Variants in ADCY2 observed in about 807,000 individuals in gnomAD.
The protein encoded by ADCY2 is adenylate cyclase type 2.
In ADCY2, 31 loss-of-function variants were observed where a neutral mutation model predicts 125.2. The observed-to-expected ratio is 0.25, with a 90% confidence interval of 0.19 to 0.33. The LOEUF is 0.33. Ranked by LOEUF, ADCY2 falls within the 10% of genes least tolerant of loss-of-function variation. The probability of loss-of-function intolerance (pLI) is 1.00; values close to 1 mark genes in which losing one functional copy is unlikely to be tolerated. For synonymous variants in ADCY2, 512 were observed against 548.4 expected (o/e 0.93, Z 0.93); for missense variants, 904 against 1,418.2 (o/e 0.64, Z 5.82).
chr5:7,567,923 CTCTCTT>C (rs1484463062), intron 3 of ADCY2, among the ~76,000 whole-genome samples: 4 of 71,270 alleles, frequency 5.6e-5, no homozygotes, highest in Non-Finnish European at 1.2e-4. Context: ...CTCTGTCGTC[CTCTCTT>C]TCTCTCTCTC....
intron 22 of ADCY2, 41 bp from the exon 23 acceptor site, chr5:7,816,825 G>C (rs776696196): frequency 6.5e-7 from 1 of 1,536,946 alleles, no homozygotes; most frequent in African/African-American, 1.4e-5. Context: ...TTCCAGCTGT[G>C]ATGCTCTAAC....
At chr5:7,791,052 G>GGT (rs1744235440) in intron 20 of ADCY2, among the ~76,000 whole-genome samples, 2 of 151,468 alleles carry the variant, frequency 1.3e-5, no homozygotes, top group African/African-American at 4.8e-5. Flanking sequence ...GTTTTTTTTT[G>GGT]GGGGGGTGTC....
At chr5:7,418,011 A>G (rs1363188688) in intron 2 of ADCY2, among the ~76,000 whole-genome samples, 1 of 151,874 alleles carries the variant, frequency 6.6e-6, no homozygotes, top group Non-Finnish European at 1.5e-5. Context: ...TATAACATGT[A>G]TTTTGTTTTT....
chr5:7,502,403 A>C (rs772865450), intron 2 of ADCY2, among the ~76,000 whole-genome samples: 1 of 152,020 alleles, frequency 6.6e-6, no homozygotes, highest in Non-Finnish European at 1.5e-5. Flanking sequence ...TGGAGAAGGC[A>C]TCCATCATCT....
chr5:7,681,992 G>T (rs80181813), intron 4 of ADCY2, among the ~76,000 whole-genome samples: 13,006 of 152,086 alleles, frequency 0.086, 1,874 homozygotes, highest in African/African-American at 0.3. Context: ...CCTCCCACTG[G>T]TTCTAATCCC....
intron 4 of ADCY2, among the ~76,000 whole-genome samples, chr5:7,686,856 AAAG>A (rs1740536195): frequency 6.6e-6 from 1 of 152,216 alleles, no homozygotes; most frequent in South Asian, 2.1e-4. Context: ...TTTAAATTTA[AAAG>A]AAGGAGTCTT....
chr5:7,638,807 G>A (rs1185033645), intron 4 of ADCY2, among the ~76,000 whole-genome samples: 2 of 152,152 alleles, frequency 1.3e-5, no homozygotes, highest in Admixed American at 6.5e-5. Flanking sequence ...GCGGTGATAC[G>A]GTTTGGCTCT....
At chr5:7,767,653 T>G (rs1743427120) in intron 17 of ADCY2, among the ~76,000 whole-genome samples, 2 of 152,190 alleles carry the variant, frequency 1.3e-5, no homozygotes, top group Admixed American at 1.3e-4. Context: ...TTCTCTGATT[T>G]GCTTCCTTGA....
chr5:7,444,972 T>G (rs1027980804), intron 2 of ADCY2, among the ~76,000 whole-genome samples: 6 of 152,212 alleles, frequency 3.9e-5, no homozygotes, highest in Non-Finnish European at 8.8e-5. Flanking sequence ...GTTTTAAGAG[T>G]TCTTTATTCA....
At chr5:7,808,753 G>T (rs1189733081) in intron 22 of ADCY2, among the ~76,000 whole-genome samples, 1 of 152,036 alleles carries the variant, frequency 6.6e-6, no homozygotes, top group African/African-American at 2.4e-5. Flanking sequence ...CCCTACATTT[G>T]TATCTATCCT....
chr5:7,658,937 C>A (rs538914440), intron 4 of ADCY2, among the ~76,000 whole-genome samples: 1 of 152,276 alleles, frequency 6.6e-6, no homozygotes, highest in South Asian at 2.1e-4. Flanking sequence ...AATTTAAATG[C>A]TCATTTCATC....
At chr5:7,601,531 G>A (rs933181078) in intron 3 of ADCY2, among the ~76,000 whole-genome samples, 1 of 152,160 alleles carries the variant, frequency 6.6e-6, no homozygotes, top group Non-Finnish European at 1.5e-5. Context: ...AAACTGCATG[G>A]AACTAAGCCC....
chr5:7,769,482 C>A (rs918379209), intron 17 of ADCY2, among the ~76,000 whole-genome samples: 13 of 151,970 alleles, frequency 8.6e-5, no homozygotes, highest in African/African-American at 3.1e-4. Flanking sequence ...AAGAAAAAGG[C>A]TGGAAACACC....
At chr5:7,573,593 CTTTTTTTTTTTTT>C (rs763347773) in intron 3 of ADCY2, among the ~76,000 whole-genome samples, 4 of 86,376 alleles carry the variant, frequency 4.6e-5, no homozygotes, top group African/African-American at 1.3e-4. Context: ...GGTTGATTTT[CTTTTTTTTTTTTT>C]TTTTTTTTTT....
intron 2 of ADCY2, among the ~76,000 whole-genome samples, chr5:7,427,882 A>G (rs544237277): frequency 6.6e-6 from 1 of 152,334 alleles, no homozygotes; most frequent in East Asian, 1.9e-4. Context: ...TAAAATTCAC[A>G]TCTAGACCTA....
At chr5:7,403,006 C>T (rs913595881) in intron 1 of ADCY2, among the ~76,000 whole-genome samples, 1 of 152,108 alleles carries the variant, frequency 6.6e-6, no homozygotes, top group Admixed American at 6.5e-5. Context: ...TATCAATGTC[C>T]TTTGCTGTCT....
chr5:7,456,041 A>G (rs2126429270), intron 2 of ADCY2, among the ~76,000 whole-genome samples: 1 of 151,588 alleles, frequency 6.6e-6, no homozygotes, highest in African/African-American at 2.4e-5. Flanking sequence ...AGGCCTTGAG[A>G]TAAACTATTT....
At chr5:7,519,356 G>A (rs528830630) in intron 2 of ADCY2, among the ~76,000 whole-genome samples, 7 of 152,286 alleles carry the variant, frequency 4.6e-5, no homozygotes, top group East Asian at 3.9e-4. Flanking sequence ...ATTGCACCAC[G>A]TCCTTCCAGC....
intron 2 of ADCY2, among the ~76,000 whole-genome samples, chr5:7,496,536 G>A (rs1561057301): frequency 6.6e-6 from 1 of 152,058 alleles, no homozygotes; most frequent in Non-Finnish European, 1.5e-5. Context: ...ACCTCTCTAA[G>A]CTTTAATATT....
Sources: gnomAD v4.1 joint callset for allele counts (sites outside exome capture counted in the v4.1 genomes callset) on GRCh38, gnomAD v4.1.1 for gene constraint, MANE v1.5 for transcripts, NCBI Gene and HGNC (gene_info 2026-07-23, HGNC 2026-07-21) for gene names.